The following MALRD1 variants were observed in gnomAD, a reference collection of about 807,000 sequenced individuals.
MALRD1 encodes MAM and LDL receptor class A domain containing 1, also known as MAM and LDL-receptor class A domain-containing protein 1.
In MALRD1, 247 loss-of-function variants were observed where a neutral mutation model predicts 242.1. The ratio of observed to expected loss-of-function variants is 1.02; its 90% CI spans 0.92 to 1.13. The LOEUF is 1.13. Among genes scored for constraint, MALRD1 ranks in the 50% most tolerant of loss-of-function variants. The probability of loss-of-function intolerance (pLI) is 0.00; values close to 1 mark genes in which losing one functional copy is unlikely to be tolerated. For missense variants in MALRD1, 2,989 were observed against 2,533.1 expected (o/e 1.18, Z -3.86); for synonymous variants, 995 against 866.6 (o/e 1.15, Z -2.60).
At chr10:19,489,088 G>A (rs1837363245) in intron 29 of MALRD1, 2 of 461,444 alleles carry the variant, frequency 4.3e-6, no homozygotes, top group Admixed American at 4.7e-5. Context: ...GCGCCTTTCC[G>A]GAGCCAGAAT....
chr10:19,734,371 A>G lies in MALRD1; in HGVS notation c.*134A>G. On this transcript the variant is annotated 3_prime_UTR_variant, in exon 40 of 40. Coordinates refer to ENST00000454679, the MANE Select transcript of MALRD1 (RefSeq NM_001142308.3). ...AAATGCCAGTGTAATTATAACATTT[A>G]TGAATGAATTTTCTTGCAGAATATA... 1 of 692,084 alleles carries G rather than the reference A, an allele frequency of 1.4e-6. No homozygotes were observed. The highest frequency in any genetic ancestry group is 2.9e-5 in the East Asian group (1 of 34,098). The allele number at this position is 692,084 out of a possible 1,614,324, so 42.9% of individuals were successfully genotyped here. A position where few individuals can be genotyped will look rare whatever the true frequency, so the allele number is the denominator to read the frequency against.
chr10:19,547,596 C>A (rs1011009132), intron 32 of MALRD1, among the ~76,000 whole-genome samples: 9 of 150,396 alleles, frequency 6.0e-5, no homozygotes, highest in African/African-American at 2.2e-4. Context: ...CATGACTTAT[C>A]CTTCTATATT....
rs373776136 is a variant in MALRD1 at position 19,181,107 on chromosome 10, TG to T, written c.1951+5781del. The stretch of plus-strand genomic sequence containing the variant: ...GTGGAGAAAAGAGTACTCATACTGT[TG>T]GTGCAAATGTGAATTGTGCAGCCAT... On this transcript the variant is annotated intron_variant, in intron 14 of 39. Transcript: ENST00000454679. Among the ~76,000 whole-genome samples, 7 of 152,306 alleles carry T rather than the reference TG, an allele frequency of 4.6e-5. No individual in the cohort carries two copies. The East Asian group carries it at 9.6e-4, about 21-fold the overall frequency.
At position 19,607,765 on chromosome 10, in the gene MALRD1, T is replaced by G. The variant is rs1838707119; in HGVS notation, c.5945-12T>G. ...GCTGGCATCCCTGATCATTATTCTT[T>G]TTTTTTTGCAGCCAACAAAAGCTGT... On this transcript the variant is annotated splice_polypyrimidine_tract_variant and intron_variant, in intron 34 of 39. Transcript: ENST00000454679. The G allele has an allele frequency of 3.9e-6, 6 of 1,543,958 alleles. No individual in the cohort carries two copies. In the East Asian group the frequency reaches 1.5e-4, roughly 38 times the overall value.
chr10:19,047,485 GC>G (rs1333468341), upstream of MALRD1, among the ~76,000 whole-genome samples: 1 of 151,856 alleles, frequency 6.6e-6, no homozygotes, highest in East Asian at 1.9e-4. Flanking sequence ...TGAAGAGAGA[GC>G]CTAGAAAAAA....
intron 38 of MALRD1, among the ~76,000 whole-genome samples, chr10:19,711,843 C>G (rs1232384337): frequency 1.3e-5 from 2 of 152,160 alleles, no homozygotes; most frequent in Non-Finnish European, 2.9e-5. Context: ...AGATCAGTCT[C>G]AAATCCATCT....
intron 26 of MALRD1, among the ~76,000 whole-genome samples, chr10:19,352,795 A>G (rs1304934553): frequency 6.6e-6 from 1 of 152,156 alleles, no homozygotes; most frequent in Non-Finnish European, 1.5e-5. Flanking sequence ...ATAACTTTTG[A>G]TAATTTGTTG....
intron 29 of MALRD1, among the ~76,000 whole-genome samples, chr10:19,460,424 C>A (rs1239018775): frequency 6.8e-6 from 1 of 146,110 alleles, no homozygotes; most frequent in African/African-American, 2.5e-5. Context: ...ATGGAACGCA[C>A]ACACAAATGC....
intron 1 of MALRD1, among the ~76,000 whole-genome samples, chr10:19,055,949 C>T (rs1834651952): frequency 6.6e-6 from 1 of 152,180 alleles, no homozygotes; most frequent in South Asian, 2.1e-4. Flanking sequence ...TGACACACAA[C>T]TTACCTATGT....
chr10:19,698,419 A>G (rs1053314447), intron 38 of MALRD1, among the ~76,000 whole-genome samples: 7 of 152,196 alleles, frequency 4.6e-5, no homozygotes, highest in Non-Finnish European at 8.8e-5. Flanking sequence ...CAAATCCCTG[A>G]GGCTCACAAA....
intron 12 of MALRD1, among the ~76,000 whole-genome samples, chr10:19,159,740 A>G (rs1241990180): frequency 2.0e-5 from 3 of 152,148 alleles, no homozygotes; most frequent in Non-Finnish European, 4.4e-5. Flanking sequence ...AGAGAGCCCA[A>G]GGTCCCAGAG....
chr10:19,333,606 A>T (rs1455644092), intron 24 of MALRD1, among the ~76,000 whole-genome samples: 3 of 152,290 alleles, frequency 2.0e-5, no homozygotes, highest in Middle Eastern at 3.4e-3. Flanking sequence ...TCCGATGAAC[A>T]TAGGAATGCG....
chr10:19,514,413 T>G (rs551744248), intron 31 of MALRD1, among the ~76,000 whole-genome samples: 18 of 152,272 alleles, frequency 1.2e-4, no homozygotes, highest in Non-Finnish European at 2.2e-4. Flanking sequence ...ACACCTCTCT[T>G]TTAATCAAGA....
At chr10:19,500,910 G>T (rs193274537) in intron 31 of MALRD1, among the ~76,000 whole-genome samples, 2 of 152,132 alleles carry the variant, frequency 1.3e-5, no homozygotes, top group Admixed American at 1.3e-4. Context: ...TCCCTGTCAC[G>T]GTGGAGCTTA....
intron 31 of MALRD1, among the ~76,000 whole-genome samples, chr10:19,530,758 G>T (rs1379027295): frequency 6.6e-6 from 1 of 151,922 alleles, no homozygotes; most frequent in Non-Finnish European, 1.5e-5. Context: ...ATTTCACTTT[G>T]CAGTTATAGC....
intron 11 of MALRD1, among the ~76,000 whole-genome samples, chr10:19,147,745 A>T (rs1362139395): frequency 6.6e-6 from 1 of 152,188 alleles, no homozygotes. Context: ...GGTGATTCAG[A>T]TGGATTCGAG....
intron 31 of MALRD1, among the ~76,000 whole-genome samples, chr10:19,519,391 AAC>A (rs1259472895): frequency 6.6e-6 from 1 of 152,226 alleles, no homozygotes; most frequent in South Asian, 2.1e-4. Flanking sequence ...GTATAAAATG[AAC>A]AGTTATTAAT....
chr10:19,149,078 A>G (rs1361268176), intron 11 of MALRD1, among the ~76,000 whole-genome samples: 4 of 18,616 alleles, frequency 2.1e-4, no homozygotes, highest in African/African-American at 4.0e-4. Flanking sequence ...CTATCTGTCC[A>G]TCTATCTATC....
intron 31 of MALRD1, among the ~76,000 whole-genome samples, chr10:19,513,215 A>C (rs1438616525): frequency 1.3e-5 from 2 of 152,092 alleles, no homozygotes; most frequent in African/African-American, 4.8e-5. Context: ...ATGGTGCTCC[A>C]TCTCTGGTAA....
Sources: gnomAD v4.1 joint callset for allele counts (sites outside exome capture counted in the v4.1 genomes callset) on GRCh38, gnomAD v4.1.1 for gene constraint, MANE v1.5 for transcripts, NCBI Gene and HGNC (gene_info 2026-07-23, HGNC 2026-07-21) for gene names.